Variants in MFNG observed in about 807,000 individuals in gnomAD.
MFNG encodes beta-1,3-N-acetylglucosaminyltransferase manic fringe.
MFNG carries 24 observed loss-of-function variants against 34.2 expected under a neutral mutation model. That is an observed-to-expected ratio of 0.70 (90% CI 0.51 to 0.99). MFNG has a LOEUF of 0.99. Ranked by LOEUF, MFNG falls within the 50% of genes least tolerant of loss-of-function variation. The pLI, the probability that MFNG is intolerant of heterozygous loss-of-function variation, is 0.00. For missense variants in MFNG, 383 were observed against 424.0 expected (o/e 0.90, Z 0.85); for synonymous variants, 158 against 179.2 (o/e 0.88, Z 0.94).
chr22:37,482,508 C>T lies in MFNG; in HGVS notation c.256-1739G>A, dbSNP rs937839480. On this transcript the variant is annotated intron_variant, in intron 1 of 7. Transcript: ENST00000356998. The surrounding 1 kb of genome is among the most constrained non-coding windows in gnomAD (Gnocchi z 4.1). ...ACGTGCGCACGCCTCTGAGCCTCTG[C>T]GCATGCTATGCCCTCTTTCCACCCT... Among the ~76,000 whole-genome samples, 3 of 152,080 alleles carry T rather than the reference C, an allele frequency of 2.0e-5. No homozygotes were observed. The highest frequency in any genetic ancestry group is 2.9e-5 in the Non-Finnish European group (2 of 67,990).
chr22:37,478,351 G>T (rs1183832648), intron 4 of MFNG, among the ~76,000 whole-genome samples: 1 of 152,140 alleles, frequency 6.6e-6, no homozygotes, highest in Non-Finnish European at 1.5e-5. Context: ...GATGCCCAGG[G>T]GGTCCTGGGG....
intron 6 of MFNG, among the ~76,000 whole-genome samples, chr22:37,474,094 G>C (rs1210658188): frequency 6.6e-6 from 1 of 152,170 alleles, no homozygotes; most frequent in Non-Finnish European, 1.5e-5. Context: ...GGGGAGTTTT[G>C]ATGAAGGAAG....
At chr22:37,477,785 C>A (rs754589924) in intron 4 of MFNG, among the ~76,000 whole-genome samples, 21 of 152,186 alleles carry the variant, frequency 1.4e-4, no homozygotes, top group Non-Finnish European at 2.6e-4. Context: ...TGACTTCGTG[C>A]CAGGTCTCAT....
At chr22:37,473,683 G>A (rs1036938750) in intron 6 of MFNG, among the ~76,000 whole-genome samples, 10 of 152,190 alleles carry the variant, frequency 6.6e-5, no homozygotes, top group Admixed American at 1.3e-4. Context: ...ACGCCAGCCC[G>A]GGGATCTGAA....
chr22:37,471,957 T>C (rs887379593), intron 7 of MFNG, among the ~76,000 whole-genome samples: 18 of 148,144 alleles, frequency 1.2e-4, no homozygotes, highest in Non-Finnish European at 2.2e-4. Context: ...GGGTGGCCCA[T>C]CTCCCCGTGG....
Position 37,486,100 on chromosome 22 carries a change from G to A in MFNG, c.78C>T (p.Tyr26=), listed in dbSNP as rs866813332. The change falls in exon 1 of 8, where the codon TAC becomes TAT. Residue 26 remains tyrosine (Y), a synonymous_variant. Transcript: ENST00000356998. The part of the protein sequence containing the change: ...LLCMGLLCLR[Y]HLNLSPQRVQ... The stretch of plus-strand genomic sequence containing the variant: ...CCCGCTGCGGGGACAGGTTCAAGTG[G>A]TACCGCAGACACAGGAGCCCCATGC... 6 of 1,612,740 alleles carry A rather than the reference G, an allele frequency of 3.7e-6. No individual in the cohort carries two copies. In the Admixed American group the frequency reaches 6.7e-5, roughly 18 times the overall value.
rs149669085 is a variant in MFNG, at chr22:37,486,111, A to C, written c.67T>G (p.Cys23Gly). The C allele has an allele frequency of 5.9e-4, 955 of 1,611,816 alleles. 7 individuals are homozygous for C. In the African/African-American group the frequency reaches 0.011, roughly 19 times the overall value. ...LLTLLCMGLL[C>G]LRYHLNLSPQ... Reference sequence around the variant, plus strand: ...GACAGGTTCAAGTGGTACCGCAGACACAGGAGCCCCATGCACAGGAGGGTG... The same window carrying C: ...GACAGGTTCAAGTGGTACCGCAGACCCAGGAGCCCCATGCACAGGAGGGTG... Residue 23 changes from cysteine to glycine, a missense_variant, in exon 1 of 8, where the codon TGT becomes GGT. Coordinates refer to ENST00000356998, the MANE Select transcript of MFNG (RefSeq NM_002405.4).
At position 37,482,484 on chromosome 22, in the gene MFNG, C is replaced by T. The variant is rs771969383; in HGVS notation, c.256-1715G>A. ...ATACACACACACACACACACACGCA[C>T]GTGCGCACGCCTCTGAGCCTCTGCG... On this transcript the variant is annotated intron_variant, in intron 1 of 7. Coordinates refer to ENST00000356998, the MANE Select transcript of MFNG (RefSeq NM_002405.4). The surrounding 1 kb of genome is among the most constrained non-coding windows in gnomAD (Gnocchi z 4.1). Among the ~76,000 whole-genome samples, 1 of 152,078 alleles carries T rather than the reference C, an allele frequency of 6.6e-6. No individual in the cohort carries two copies. Among genetic ancestry groups the T allele is most frequent in the Non-Finnish European group, 1.5e-5 (1 of 68,000 alleles).
At chr22:37,474,789 C>T in intron 5 of MFNG, 112 bp from the exon 6 acceptor site, 2 of 1,172,816 alleles carry the variant, frequency 1.7e-6, no homozygotes, top group Non-Finnish European at 2.4e-6. Context: ...AGAGCACCTG[C>T]CTCCTGCATA....
intron 5 of MFNG, among the ~76,000 whole-genome samples, chr22:37,475,926 G>A (rs915473716): frequency 6.6e-6 from 1 of 152,210 alleles, no homozygotes; most frequent in African/African-American, 2.4e-5. Flanking sequence ...ATTGCCTGGG[G>A]CGCCCCTCCC....
chr22:37,476,862 C>A, intron 5 of MFNG, 34 bp downstream of exon 5: 1 of 1,552,562 alleles, frequency 6.4e-7, no homozygotes, highest in South Asian at 1.1e-5. Flanking sequence ...CACCCCCTCC[C>A]CGCCTTCCTG....
chr22:37,485,882 C>A lies in MFNG; in HGVS notation c.255+41G>T, dbSNP rs1461655377. The A allele has an allele frequency of 5.0e-6, 8 of 1,586,982 alleles. No homozygotes were observed. Among genetic ancestry groups the A allele is most frequent in the Non-Finnish European group, 6.9e-6 (8 of 1,164,088 alleles). On this transcript the variant is annotated intron_variant, in intron 1 of 7. Coordinates refer to ENST00000356998, the MANE Select transcript of MFNG (RefSeq NM_002405.4). The surrounding 1 kb of genome is among the most constrained non-coding windows in gnomAD (Gnocchi z 5.3). ...GAAAGGCCTCTGAGAACCCCTTAGG[C>A]CAGGGGCCACCCCCAGGGCCCAATG...
At position 37,472,298 on chromosome 22, in the gene MFNG, A is replaced by C; in HGVS notation, c.899+145T>G. The C allele has an allele frequency of 7.9e-6, 5 of 631,606 alleles. No homozygotes were observed. In the South Asian group the frequency reaches 1.0e-4, roughly 13 times the overall value. 39.1% of individuals were successfully genotyped at this position (631,606 alleles called of 1,614,324 possible). A position where few individuals can be genotyped will look rare whatever the true frequency, so the allele number is the denominator to read the frequency against. On this transcript the variant is annotated intron_variant, in intron 7 of 7. Coordinates refer to ENST00000356998, the MANE Select transcript of MFNG (RefSeq NM_002405.4). ...CAGCAAGCCAGTGGCAGGGTCAGAA[A>C]CTGAAATCCACTCCCTCCACTCCTA... is the stretch of plus-strand genomic sequence containing the variant.
chr22:37,473,517 G>A (rs1032743812), intron 6 of MFNG, among the ~76,000 whole-genome samples: 8 of 148,300 alleles, frequency 5.4e-5, no homozygotes, highest in African/African-American at 1.7e-4. Context: ...CCTGGTTTGG[G>A]CTGCCTCAAA....
intron 4 of MFNG, among the ~76,000 whole-genome samples, chr22:37,477,546 A>C (rs907469442): frequency 2.6e-5 from 4 of 152,126 alleles, no homozygotes; most frequent in Non-Finnish European, 5.9e-5. Flanking sequence ...TCCCAGGTTC[A>C]AGCGATTCTC....
chr22:37,480,529 G>A (rs985222440), intron 2 of MFNG, among the ~76,000 whole-genome samples, 192 bp downstream of exon 2: 7 of 152,156 alleles, frequency 4.6e-5, no homozygotes, highest in Non-Finnish European at 7.4e-5. Flanking sequence ...GTCCAGCACC[G>A]CTCTTCCCCA....
At chr22:37,474,130 G>A (rs972433633) in intron 6 of MFNG, among the ~76,000 whole-genome samples, 7 of 152,216 alleles carry the variant, frequency 4.6e-5, no homozygotes, top group African/African-American at 7.2e-5. Flanking sequence ...AAAATTAGAA[G>A]AGCCAGCTGG....
At chr22:37,470,670 T>C (rs1312097028) in intron 7 of MFNG, among the ~76,000 whole-genome samples, 1 of 152,218 alleles carries the variant, frequency 6.6e-6, no homozygotes, top group Non-Finnish European at 1.5e-5. Context: ...GCAAGGGCCC[T>C]CAGCATCATG....
In MFNG at chr22:37,480,309, T is replaced by C. The variant is rs1206809625; in HGVS notation, c.305-10A>G. The C allele has an allele frequency of 1.2e-6, 2 of 1,610,228 alleles. No individual in the cohort carries two copies. Among genetic ancestry groups the C allele is most frequent in the African/African-American group, 2.7e-5 (2 of 74,810 alleles). On this transcript the variant is annotated splice_polypyrimidine_tract_variant and intron_variant, in intron 2 of 7. Transcript: ENST00000356998. Reference sequence around the variant, plus strand: ...ACCACAAGGTGGGACCCTGGAGAAGTGAGGAGGAGTCAGGGGACCCTGCCC... The same window carrying C: ...ACCACAAGGTGGGACCCTGGAGAAGCGAGGAGGAGTCAGGGGACCCTGCCC...
Sources: allele counts gnomAD v4.1 joint callset (sites outside exome capture counted in the v4.1 genomes callset), GRCh38; gene constraint gnomAD v4.1.1; non-coding constraint Gnocchi (gnomAD v3.1); transcripts MANE v1.5; gene names NCBI Gene and HGNC (gene_info 2026-07-23, HGNC 2026-07-21).